The following SFXN1 variants were observed in gnomAD, a reference collection of about 807,000 sequenced individuals.
SFXN1 encodes sideroflexin-1.
In SFXN1, 32 loss-of-function variants were observed where a neutral mutation model predicts 39.5. That is an observed-to-expected ratio of 0.81 (90% CI 0.61 to 1.09). The LOEUF (loss-of-function observed/expected upper bound fraction) is 1.09. Among genes scored for constraint, SFXN1 ranks in the 50% least tolerant of loss-of-function variants. SFXN1 has a pLI of 0.00. For synonymous variants in SFXN1, 136 were observed against 146.5 expected, an observed-to-expected ratio of 0.93 and a Z score of 0.52; for missense variants, 402 against 407.1, an observed-to-expected ratio of 0.99 and a Z score of 0.11.
At chr5:175,511,720 A>G in intron 5 of SFXN1, 194 bp downstream of exon 5, 1 of 594,902 alleles carries the variant, frequency 1.7e-6, no homozygotes, top group South Asian at 2.0e-5. Context: ...ACCTACCAGG[A>G]CTGTGGTCTG....
chr5:175,479,242 A>G (rs146188637), intron 1 of SFXN1, among the ~76,000 whole-genome samples: 1 of 152,198 alleles, frequency 6.6e-6, no homozygotes, highest in Non-Finnish European at 1.5e-5. Flanking sequence ...CAGGTCTCTA[A>G]CCTGCCCAGA....
chr5:175,500,533 A>G (rs1449522423), intron 2 of SFXN1, among the ~76,000 whole-genome samples: 2 of 151,964 alleles, frequency 1.3e-5, no homozygotes, highest in African/African-American at 4.8e-5. Context: ...GGAAGACTCA[A>G]TATTGTTAAG....
Position 175,478,748 on chromosome 5 carries a change from G to T in SFXN1, c.-10+109G>T, listed in dbSNP as rs377095304. ...CGGGCCGTGCACCCGCGGGCCGGCT[G>T]CGGGGAGACCCCGGGCTCGGAGGTC... On this transcript the variant is annotated intron_variant, in intron 1 of 10. Transcript: ENST00000321442. The T allele has an allele frequency of 6.6e-5, 10 of 152,200 alleles. No homozygotes were observed. The East Asian group carries it at 1.6e-3, about 24-fold the overall frequency. The allele number at this position is 152,200 out of a possible 1,614,324, so 9.4% of individuals were successfully genotyped here. A position where few individuals can be genotyped will look rare whatever the true frequency, so the allele number is the denominator to read the frequency against.
chr5:175,490,309 C>T (rs1331803331), intron 1 of SFXN1, among the ~76,000 whole-genome samples: 1 of 152,186 alleles, frequency 6.6e-6, no homozygotes, highest in Non-Finnish European at 1.5e-5. Flanking sequence ...AAATAGGCTT[C>T]CCGTTAGCTT....
chr5:175,499,111 C>T (rs1197759216), intron 2 of SFXN1, among the ~76,000 whole-genome samples: 1 of 152,008 alleles, frequency 6.6e-6, no homozygotes, highest in African/African-American at 2.4e-5. Flanking sequence ...AGAAATTAGC[C>T]GAGTGTGGTA....
At chr5:175,501,111 C>CA (rs2113304724) in intron 2 of SFXN1, among the ~76,000 whole-genome samples, 1 of 145,364 alleles carries the variant, frequency 6.9e-6, no homozygotes, top group East Asian at 2.0e-4. Context: ...CTCTGTCACC[C>CA]AGGCTGGAGT....
intron 3 of SFXN1, among the ~76,000 whole-genome samples, chr5:175,509,890 C>T (rs1258919570): frequency 3.9e-5 from 6 of 152,140 alleles, no homozygotes; most frequent in Non-Finnish European, 8.8e-5. Context: ...CTCATAGTAA[C>T]CCTCTGAGCT....
At chr5:175,489,854 A>T (rs973228536) in intron 1 of SFXN1, among the ~76,000 whole-genome samples, 1 of 152,144 alleles carries the variant, frequency 6.6e-6, no homozygotes, top group Non-Finnish European at 1.5e-5. Context: ...TGTACATGAG[A>T]CCATGAGCCA....
intron 1 of SFXN1, among the ~76,000 whole-genome samples, chr5:175,488,620 T>C (rs1403646679): frequency 6.6e-6 from 1 of 152,226 alleles, no homozygotes; most frequent in African/African-American, 2.4e-5. Flanking sequence ...CATTTCTGAC[T>C]TCAGGTCTTG....
chr5:175,523,767 G>T (rs182068324), intron 10 of SFXN1: 2 of 152,112 alleles, frequency 1.3e-5, no homozygotes, highest in South Asian at 4.2e-4. Flanking sequence ...CTCAGAAAGC[G>T]TGTGGTTTTA....
chr5:175,525,158 C>A (rs1412731637), intron 10 of SFXN1, among the ~76,000 whole-genome samples: 1 of 152,154 alleles, frequency 6.6e-6, no homozygotes, highest in Non-Finnish European at 1.5e-5. Context: ...AACTTTAATT[C>A]CAAGATCAGA....
chr5:175,497,856 G>A (rs1041709383), intron 2 of SFXN1, among the ~76,000 whole-genome samples: 14 of 151,300 alleles, frequency 9.3e-5, no homozygotes, highest in Admixed American at 7.3e-4. Context: ...CTTGAACCCA[G>A]GAGGCGGAGG....
At chr5:175,501,552 C>T (rs551125980) in intron 2 of SFXN1, among the ~76,000 whole-genome samples, 2 of 152,028 alleles carry the variant, frequency 1.3e-5, no homozygotes, top group African/African-American at 4.8e-5. Context: ...ACTTGTATCT[C>T]GTAAAGGATT....
rs778475439 is a variant in SFXN1 at position 175,526,721 on chromosome 5, A to C, written c.956A>C (p.Asn319Thr). 6.2e-7 allele frequency: 1 copy of C among 1,613,970 alleles called. No homozygotes were observed. The highest frequency in any genetic ancestry group is 1.3e-5 in the African/African-American group (1 of 74,942). ...SHPELRRVYF[N>T]KGL ...CCTGAATTGCGACGCGTGTACTTCA[A>C]TAAGGGATTGTAAAGCAGGGAGGAA... Residue 319 changes from asparagine to threonine, a missense_variant, in exon 11 of 11, where the codon AAT becomes ACT. By Grantham distance (65) the Asn-to-Thr change is moderately conservative. Transcript: ENST00000321442.
chr5:175,522,519 T>G lies in SFXN1; in HGVS notation c.872+97T>G, dbSNP rs1581330011. 5 of 1,281,766 alleles carry G rather than the reference T, an allele frequency of 3.9e-6. No individual in the cohort carries two copies. The South Asian group carries it at 5.2e-5, about 13-fold the overall frequency. 79.4% of individuals were successfully genotyped at this position (1,281,766 alleles called of 1,614,324 possible). A position where few individuals can be genotyped will look rare whatever the true frequency, so the allele number is the denominator to read the frequency against. On this transcript the variant is annotated intron_variant, in intron 10 of 10. Transcript: ENST00000321442. ...TTATTCCATTTCATTGGCAGGGAAG[T>G]TGAGACTCAAAAGATACTGAAGCCA...
intron 2 of SFXN1, among the ~76,000 whole-genome samples, chr5:175,498,078 CAA>C (rs1432055335): frequency 1.3e-5 from 2 of 148,908 alleles, no homozygotes; most frequent in Non-Finnish European, 1.5e-5. Flanking sequence ...AAAGTAAAAA[CAA>C]TGAGAAATTA....
chr5:175,490,402 C>T (rs1759612785), intron 1 of SFXN1, among the ~76,000 whole-genome samples: 1 of 152,200 alleles, frequency 6.6e-6, no homozygotes, highest in Non-Finnish European at 1.5e-5. Flanking sequence ...CTAGATTCCT[C>T]ACATCTGCAG....
chr5:175,479,677 G>A (rs1042187084), intron 1 of SFXN1, among the ~76,000 whole-genome samples: 2 of 152,122 alleles, frequency 1.3e-5, no homozygotes, highest in African/African-American at 4.8e-5. Context: ...GCACCAAGAA[G>A]GCCCTCAATG....
At chr5:175,500,203 CA>C (rs1203515185) in intron 2 of SFXN1, among the ~76,000 whole-genome samples, 5 of 151,570 alleles carry the variant, frequency 3.3e-5, no homozygotes, top group East Asian at 1.9e-4. Context: ...AAAGAATTTA[CA>C]AAAAAACCAA....
Sources: allele counts gnomAD v4.1 joint callset (sites outside exome capture counted in the v4.1 genomes callset), GRCh38; gene constraint gnomAD v4.1.1; transcripts MANE v1.5; gene names NCBI Gene and HGNC (gene_info 2026-07-23, HGNC 2026-07-21).